Variants in ARHGAP31 observed in about 807,000 individuals in gnomAD.
ARHGAP31 encodes the protein Rho GTPase activating protein 31.
A neutral mutation model predicts 113.9 loss-of-function variants in ARHGAP31; 34 were observed. That is an observed-to-expected ratio of 0.30 (90% CI 0.23 to 0.40). The LOEUF is 0.40. ARHGAP31 is among the 10% of genes least tolerant of loss of function. The probability of loss-of-function intolerance (pLI) is 1.00; values close to 1 mark genes in which losing one functional copy is unlikely to be tolerated. For missense variants in ARHGAP31, 1,548 were observed against 1,767.1 expected, an observed-to-expected ratio of 0.88 and a Z score of 2.22; for synonymous variants, 650 against 684.8, an observed-to-expected ratio of 0.95 and a Z score of 0.79.
chr3:119,401,893 C>T lies in ARHGAP31; in HGVS notation c.1141C>T (p.His381Tyr), dbSNP rs746475191. ...ATTTTTCATTCCAGCAACAAAGATG[C>T]ACTCCACCGGCACCGGCAGCTCATG... ...GGFFIPATKMHSTGTGSSCDL... is the reference protein window; with the variant it reads ...GGFFIPATKMYSTGTGSSCDL... Residue 381 changes from histidine (H) to tyrosine (Y), a missense_variant, in exon 10 of 12, where the codon CAC becomes TAC. His to Tyr is a moderately conservative substitution (Grantham distance 83). Coordinates refer to ENST00000264245, the MANE Select transcript of ARHGAP31 (RefSeq NM_020754.4). The T allele has an allele frequency of 6.2e-7, 1 of 1,614,052 alleles. No homozygotes were observed. The highest frequency in any genetic ancestry group is 1.7e-5 in the Admixed American group (1 of 60,024).
chr3:119,337,144 A>C (rs1430904036), intron 1 of ARHGAP31, among the ~76,000 whole-genome samples: 1 of 152,196 alleles, frequency 6.6e-6, no homozygotes, highest in Non-Finnish European at 1.5e-5. Context: ...TGCTCACTTC[A>C]AGAATGAAGC....
intron 1 of ARHGAP31, chr3:119,341,872 T>C (rs565509528): frequency 2.6e-5 from 4 of 152,144 alleles, no homozygotes; most frequent in Admixed American, 2.6e-4. Flanking sequence ...ATGTCATCCT[T>C]GCGCAGGAGC....
intron 10 of ARHGAP31, 87 bp from the exon 11 acceptor site, chr3:119,409,409 G>A: frequency 6.6e-7 from 1 of 1,504,374 alleles, no homozygotes; most frequent in African/African-American, 1.4e-5. Context: ...CTGAAACAGG[G>A]CCAGGAGACA....
Position 119,414,121 on chromosome 3 carries a change from C to G in ARHGAP31, c.2192C>G (p.Ser731Cys), listed in dbSNP as rs1322410992. The G allele has an allele frequency of 6.2e-7, 1 of 1,614,212 alleles. No homozygotes were observed. Among genetic ancestry groups the G allele is most frequent in the East Asian group, 2.2e-5 (1 of 44,878 alleles). ...GCCAATCAGAGCACACAGGGGGCTT[C>G]CACAGCAGCCAGCAGAGAGAAGCCG... ...DPANQSTQGA[S>C]TAASREKPEP... is the part of the protein sequence containing the mutation. The change falls in exon 12 of 12, where the codon TCC becomes TGC. Residue 731 changes from serine (S) to cysteine (C), a missense_variant. Ser to Cys is a moderately radical substitution (Grantham distance 112). Coordinates refer to ENST00000264245, the MANE Select transcript of ARHGAP31 (RefSeq NM_020754.4).
At chr3:119,302,638 T>A (rs761699204) in intron 1 of ARHGAP31, among the ~76,000 whole-genome samples, 1 of 152,192 alleles carries the variant, frequency 6.6e-6, no homozygotes, top group Non-Finnish European at 1.5e-5. Flanking sequence ...TTAATCCCCA[T>A]TTTACAAAAG....
intron 1 of ARHGAP31, among the ~76,000 whole-genome samples, chr3:119,351,063 AC>A (rs1379363124): frequency 1.3e-5 from 2 of 152,222 alleles, no homozygotes; most frequent in Non-Finnish European, 2.9e-5. Context: ...TGTTTCTAGC[AC>A]AGATGAAAGT....
chr3:119,340,315 G>T (rs1483531472), intron 1 of ARHGAP31, among the ~76,000 whole-genome samples: 1 of 152,200 alleles, frequency 6.6e-6, no homozygotes, highest in Non-Finnish European at 1.5e-5. Context: ...TCCAGTAAAA[G>T]AGCTTAGCTG....
intron 1 of ARHGAP31, among the ~76,000 whole-genome samples, chr3:119,331,132 G>A (rs2079888145): frequency 6.6e-6 from 1 of 152,142 alleles, no homozygotes; most frequent in Non-Finnish European, 1.5e-5. Flanking sequence ...GCCTGCCCTT[G>A]GTCAAATGAG....
chr3:119,309,337 T>C (rs2079658055), intron 1 of ARHGAP31, among the ~76,000 whole-genome samples: 1 of 152,254 alleles, frequency 6.6e-6, no homozygotes, highest in South Asian at 2.1e-4. Context: ...TCAGCCTTGC[T>C]GACTGCTGAG....
intron 1 of ARHGAP31, among the ~76,000 whole-genome samples, chr3:119,304,496 T>A (rs927794631): frequency 6.6e-6 from 1 of 152,088 alleles, no homozygotes; most frequent in African/African-American, 2.4e-5. Context: ...ACACTTGGAA[T>A]TGGTCACACC....
intron 6 of ARHGAP31, 99 bp from the exon 7 acceptor site, chr3:119,390,686 C>A: frequency 7.5e-7 from 1 of 1,334,676 alleles, no homozygotes; most frequent in Non-Finnish European, 1.0e-6. Context: ...ACTCAGCCCC[C>A]ATCATAGGAT....
chr3:119,321,265 C>CAT lies in ARHGAP31; in HGVS notation c.100+26273_100+26274dup, dbSNP rs570963601. On this transcript the variant is annotated intron_variant, in intron 1 of 11. Transcript: ENST00000264245. ...GATTTCCTATTCAGCAGCAATTTCA[C>CAT]ATATATATATATACTATATATATAT... Among the ~76,000 whole-genome samples the CAT allele has an allele frequency of 1.7e-3, 194 of 111,448 alleles. 1 individual carries two copies. The highest frequency in any genetic ancestry group is 3.5e-3 in the African/African-American group (120 of 34,270). The allele number at this position is 111,448 out of a possible 152,430, so 73.1% of individuals were successfully genotyped here. A position where few individuals can be genotyped will look rare whatever the true frequency, so the allele number is the denominator to read the frequency against.
At chr3:119,347,133 G>C (rs2080067523) in intron 1 of ARHGAP31, among the ~76,000 whole-genome samples, 2 of 152,202 alleles carry the variant, frequency 1.3e-5, no homozygotes, top group Admixed American at 1.3e-4. Context: ...TCACTAAGAT[G>C]GTGTCATCTG....
chr3:119,328,360 C>T (rs977862462), intron 1 of ARHGAP31, among the ~76,000 whole-genome samples: 1 of 152,136 alleles, frequency 6.6e-6, no homozygotes, highest in African/African-American at 2.4e-5. Flanking sequence ...GCTTGACTCT[C>T]TTGTCTCTGC....
intron 1 of ARHGAP31, among the ~76,000 whole-genome samples, chr3:119,308,007 G>A (rs2079646306): frequency 7.2e-6 from 1 of 138,922 alleles, no homozygotes; most frequent in Non-Finnish European, 1.5e-5. Flanking sequence ...ATAGATCAAG[G>A]GATCCATCCA....
At chr3:119,305,426 C>T (rs1559960868) in intron 1 of ARHGAP31, among the ~76,000 whole-genome samples, 2 of 152,220 alleles carry the variant, frequency 1.3e-5, no homozygotes, top group Non-Finnish European at 2.9e-5. Flanking sequence ...CCACTTCTTT[C>T]CCATCTGTTT....
At chr3:119,411,042 C>T (rs2080711549) in intron 11 of ARHGAP31, among the ~76,000 whole-genome samples, 1 of 152,128 alleles carries the variant, frequency 6.6e-6, no homozygotes, top group Admixed American at 6.5e-5. Context: ...AAGGAGAGAC[C>T]TCCAGGCAGA....
intron 10 of ARHGAP31, among the ~76,000 whole-genome samples, chr3:119,407,969 T>A (rs2080680200): frequency 6.6e-6 from 1 of 152,198 alleles, no homozygotes; most frequent in African/African-American, 2.4e-5. Flanking sequence ...TGCCATTATT[T>A]CTTAAACAAT....
chr3:119,416,277 TG>T lies in ARHGAP31; in HGVS notation c.*14del. 6.2e-7 allele frequency: 1 copy of T among 1,612,490 alleles called. No individual in the cohort carries two copies. The highest frequency in any genetic ancestry group is 1.3e-5 in the African/African-American group (1 of 75,068). On this transcript the variant is annotated 3_prime_UTR_variant, in exon 12 of 12. Coordinates refer to ENST00000264245, the MANE Select transcript of ARHGAP31 (RefSeq NM_020754.4). Reference sequence around the variant, plus strand: ...GCAAATAGAATGATTTCGGTTCACCTGCTGGTGTCTGAAAAAAACCGTGATT... The same window carrying T: ...GCAAATAGAATGATTTCGGTTCACCTCTGGTGTCTGAAAAAAACCGTGATT...
Sources: allele counts gnomAD v4.1 joint callset (sites outside exome capture counted in the v4.1 genomes callset), GRCh38; gene constraint gnomAD v4.1.1; transcripts MANE v1.5; gene names NCBI Gene and HGNC (gene_info 2026-07-23, HGNC 2026-07-21).